DOK6: variants seen among roughly 807,000 people sequenced by gnomAD.
The protein encoded by DOK6 is docking protein 6, also known as downstream of tyrosine kinase 6.
Under a neutral mutation model 44.0 loss-of-function variants are expected in DOK6, and 22 were observed. The observed-to-expected ratio is 0.50, with a 90% CI of 0.36 to 0.71. DOK6 has a LOEUF of 0.71. Among genes scored for constraint, DOK6 ranks in the 30% least tolerant of loss-of-function variants. The probability of loss-of-function intolerance (pLI) is 0.00; values close to 1 mark genes in which losing one functional copy is unlikely to be tolerated. For synonymous variants in DOK6, 166 were observed against 145.5 expected, an observed-to-expected ratio of 1.14 and a Z score of -1.01; for missense variants, 340 against 416.4, an observed-to-expected ratio of 0.82 and a Z score of 1.60.
intron 1 of DOK6, among the ~76,000 whole-genome samples, chr18:69,515,278 A>T (rs897094092): frequency 6.6e-6 from 1 of 152,184 alleles, no homozygotes; most frequent in Non-Finnish European, 1.5e-5. Flanking sequence ...AATTGTCCGT[A>T]TGTTTGTGGG....
intron 3 of DOK6, among the ~76,000 whole-genome samples, chr18:69,610,230 G>A (rs991353795): frequency 6.6e-6 from 1 of 152,156 alleles, no homozygotes; most frequent in Non-Finnish European, 1.5e-5. Flanking sequence ...CCATGAAAAT[G>A]TAGGTAAAAG....
chr18:69,609,573 C>T (rs1440339143), intron 3 of DOK6, among the ~76,000 whole-genome samples: 5 of 152,024 alleles, frequency 3.3e-5, no homozygotes, highest in Non-Finnish European at 5.9e-5. Flanking sequence ...GTATTAGTAA[C>T]GGAAATGTAA....
chr18:69,721,728 T>TAA (rs5825965), intron 5 of DOK6, among the ~76,000 whole-genome samples: 1 of 152,134 alleles, frequency 6.6e-6, no homozygotes, highest in East Asian at 1.9e-4. Context: ...TGAATTTACT[T>TAA]AAAAGTATAA....
chr18:69,721,070 T>C (rs1344953973), intron 5 of DOK6, among the ~76,000 whole-genome samples: 1 of 152,232 alleles, frequency 6.6e-6, no homozygotes, highest in Non-Finnish European at 1.5e-5. Flanking sequence ...AAGTCTTGCC[T>C]TCTTCAGTTC....
intron 6 of DOK6, among the ~76,000 whole-genome samples, chr18:69,751,188 T>C (rs1979165251): frequency 6.6e-6 from 1 of 152,206 alleles, no homozygotes; most frequent in Admixed American, 6.5e-5. Flanking sequence ...GAGTGTTCTA[T>C]TGTGGCAAAT....
intron 1 of DOK6, among the ~76,000 whole-genome samples, chr18:69,472,182 T>G (rs147403691): frequency 9.9e-4 from 151 of 152,276 alleles, no homozygotes; most frequent in African/African-American, 3.5e-3. Flanking sequence ...GCCAGAAAAC[T>G]ACTTAAAATA....
chr18:69,663,790 G>T (rs2144674189), intron 3 of DOK6, among the ~76,000 whole-genome samples: 1 of 152,272 alleles, frequency 6.6e-6, no homozygotes, highest in South Asian at 2.1e-4. Flanking sequence ...TTTAGATACT[G>T]TGTGACTCTG....
At chr18:69,486,706 G>A (rs941278071) in intron 1 of DOK6, among the ~76,000 whole-genome samples, 6 of 152,078 alleles carry the variant, frequency 3.9e-5, no homozygotes, top group African/African-American at 1.4e-4. Flanking sequence ...CAACAAATGT[G>A]GTGGTTATGT....
chr18:69,455,557 T>C (rs1979612139), intron 1 of DOK6, among the ~76,000 whole-genome samples: 2 of 152,214 alleles, frequency 1.3e-5, no homozygotes. Context: ...GTCTCTGATA[T>C]TACATGTGGC....
intron 7 of DOK6, among the ~76,000 whole-genome samples, chr18:69,813,475 T>G (rs1475730890): frequency 1.3e-5 from 2 of 152,108 alleles, no homozygotes; most frequent in Non-Finnish European, 2.9e-5. Context: ...GAAGTATGAT[T>G]GGGGAGGCCC....
intron 3 of DOK6, among the ~76,000 whole-genome samples, chr18:69,614,183 A>G (rs1212749000): frequency 6.6e-6 from 1 of 152,066 alleles, no homozygotes; most frequent in Non-Finnish European, 1.5e-5. Context: ...GTATCTTACA[A>G]TATTATCACT....
rs572319574 is a variant in DOK6 at position 69,782,187 on chromosome 18, CTGGAAATT to C, written c.856+24316_856+24323del. ...CAGAGTTTTTTAAATCCAGAACTAACTGGAAATTTTATGTGTTCTAAGATTTTTTTTTT... is the reference window on the plus strand; with the variant it reads ...CAGAGTTTTTTAAATCCAGAACTAACTTATGTGTTCTAAGATTTTTTTTTT... On this transcript the variant is annotated intron_variant, in intron 7 of 7. Coordinates refer to ENST00000382713, the MANE Select transcript of DOK6 (RefSeq NM_152721.6). 1.4e-3 allele frequency among the ~76,000 whole-genome samples: 210 copies of C among 149,722 alleles called. 1 individual carries two copies. Among genetic ancestry groups the C allele is most frequent in the African/African-American group, 4.9e-3 (202 of 40,886 alleles).
At chr18:69,674,951 C>CCT (rs529321983) in intron 3 of DOK6, among the ~76,000 whole-genome samples, 72 of 151,762 alleles carry the variant, frequency 4.7e-4, no homozygotes, top group African/African-American at 1.7e-3. Flanking sequence ...AATCTCTCTT[C>CCT]CTCTCTCTCT....
intron 7 of DOK6, among the ~76,000 whole-genome samples, chr18:69,835,569 C>T (rs1982029910): frequency 6.6e-6 from 1 of 152,170 alleles, no homozygotes; most frequent in Non-Finnish European, 1.5e-5. Context: ...GTACCCAAGT[C>T]GTTCCTTCCA....
At chr18:69,481,629 A>G (rs920143143) in intron 1 of DOK6, among the ~76,000 whole-genome samples, 4 of 152,074 alleles carry the variant, frequency 2.6e-5, no homozygotes, top group African/African-American at 9.7e-5. Flanking sequence ...TCATTGTTGG[A>G]CATTTGGGTT....
At chr18:69,496,281 G>A (rs1029292049) in intron 1 of DOK6, among the ~76,000 whole-genome samples, 3 of 152,260 alleles carry the variant, frequency 2.0e-5, no homozygotes, top group African/African-American at 4.8e-5. Flanking sequence ...GCTTTGTGGA[G>A]TGGGATGCCC....
At chr18:69,546,103 A>AC (rs941513776) in intron 1 of DOK6, among the ~76,000 whole-genome samples, 7 of 150,404 alleles carry the variant, frequency 4.7e-5, no homozygotes, top group African/African-American at 1.7e-4. Flanking sequence ...CATCGAGAAA[A>AC]CCCATCTCTA....
chr18:69,419,071 AAG>A (rs1978414281), intron 1 of DOK6, among the ~76,000 whole-genome samples: 4 of 152,148 alleles, frequency 2.6e-5, no homozygotes, highest in Non-Finnish European at 4.4e-5. Context: ...ACTAGGACCC[AAG>A]TGGTTTGAAC....
chr18:69,466,263 A>T (rs1020970995), intron 1 of DOK6, among the ~76,000 whole-genome samples: 12 of 152,192 alleles, frequency 7.9e-5, no homozygotes, highest in African/African-American at 2.7e-4. Flanking sequence ...GAGATCATGC[A>T]GCATTTGTCC....
Sources: gnomAD v4.1 joint callset for allele counts (sites outside exome capture counted in the v4.1 genomes callset) on GRCh38, gnomAD v4.1.1 for gene constraint, MANE v1.5 for transcripts, NCBI Gene and HGNC (gene_info 2026-07-23, HGNC 2026-07-21) for gene names.